The following FSTL5 variants were observed in gnomAD, a reference collection of about 807,000 sequenced individuals.
FSTL5 encodes follistatin-related protein 5.
A neutral mutation model predicts 89.1 loss-of-function variants in FSTL5; 62 were observed. The observed-to-expected ratio is 0.70, with a 90% CI of 0.57 to 0.86. The LOEUF is 0.86. FSTL5 is among the 40% of genes least tolerant of loss of function. The pLI is 0.00. For missense variants in FSTL5, 1,057 were observed against 1,001.6 expected (o/e 1.06, Z -0.75); for synonymous variants, 383 against 346.2 (o/e 1.11, Z -1.18).
intron 8 of FSTL5, among the ~76,000 whole-genome samples, chr4:161,579,061 T>A (rs1468206556): frequency 6.6e-6 from 1 of 152,272 alleles, no homozygotes; most frequent in Admixed American, 6.5e-5. Context: ...AATGTTTTGT[T>A]CTCTTGCCTA....
intron 10 of FSTL5, among the ~76,000 whole-genome samples, chr4:161,525,407 T>C (rs972620615): frequency 6.6e-6 from 1 of 152,214 alleles, no homozygotes; most frequent in African/African-American, 2.4e-5. Context: ...TTTTCTAATG[T>C]ACAATTAAGA....
chr4:161,697,796 A>T (rs1432689618), intron 6 of FSTL5, among the ~76,000 whole-genome samples: 1 of 152,170 alleles, frequency 6.6e-6, no homozygotes, highest in Non-Finnish European at 1.5e-5. Flanking sequence ...GAAGTCAAAA[A>T]AGTTGATCTC....
intron 4 of FSTL5, among the ~76,000 whole-genome samples, chr4:161,806,504 T>C (rs1476962203): frequency 6.6e-6 from 1 of 152,064 alleles, no homozygotes; most frequent in African/African-American, 2.4e-5. Context: ...GCAAATATTA[T>C]AAGTAGAAAA....
chr4:161,614,699 T>G (rs1156297058), intron 7 of FSTL5, among the ~76,000 whole-genome samples: 1 of 152,210 alleles, frequency 6.6e-6, no homozygotes, highest in Non-Finnish European at 1.5e-5. Flanking sequence ...AATTTACAAT[T>G]ATATTCCAAC....
At chr4:161,468,033 G>T (rs1347478101) in intron 13 of FSTL5, among the ~76,000 whole-genome samples, 1 of 151,988 alleles carries the variant, frequency 6.6e-6, no homozygotes, top group Non-Finnish European at 1.5e-5. Flanking sequence ...AATTTCTATA[G>T]AATAGTTTGT....
Position 161,786,680 on chromosome 4 carries a change from GAGA to G in FSTL5, c.410-10609_410-10607del, listed in dbSNP as rs1287469465. On this transcript the variant is annotated intron_variant, in intron 4 of 15. Transcript: ENST00000306100. ...TTCTGGTATATAGTTAAATTGTCAA[GAGA>G]AGATTTCTTCAGCTAGACATGTATC... 3.3e-5 allele frequency among the ~76,000 whole-genome samples: 5 copies of G among 152,070 alleles called. No individual in the cohort carries two copies. In the South Asian group the frequency reaches 6.2e-4, roughly 19 times the overall value.
chr4:162,155,248 G>A (rs535514241), intron 1 of FSTL5, among the ~76,000 whole-genome samples: 1 of 152,300 alleles, frequency 6.6e-6, no homozygotes, highest in South Asian at 2.1e-4. Context: ...GGATAAGTGA[G>A]CCTTTAAAAG....
intron 3 of FSTL5, among the ~76,000 whole-genome samples, chr4:161,934,030 ATCATTTGATGGGAAGACC>A (rs1180073486): frequency 3.9e-5 from 6 of 151,970 alleles, no homozygotes; most frequent in Non-Finnish European, 8.8e-5. Context: ...TTTTCTTCCC[ATCATTTGATGGGAAGACC>A]TCATTTGATC....
intron 2 of FSTL5, among the ~76,000 whole-genome samples, chr4:162,095,206 G>C (rs1042058314): frequency 6.6e-6 from 1 of 152,060 alleles, no homozygotes; most frequent in African/African-American, 2.4e-5. Flanking sequence ...GGTTTCAAGA[G>C]AGGCCAAGTC....
At chr4:161,929,685 G>GTGTA (rs1553983473) in intron 3 of FSTL5, among the ~76,000 whole-genome samples, 146 of 149,206 alleles carry the variant, frequency 9.8e-4, no homozygotes, top group African/African-American at 2.2e-3. Context: ...GTGTGTGTGT[G>GTGTA]TGTGTGTGTG....
At chr4:162,026,289 C>T (rs1737278504) in intron 3 of FSTL5, among the ~76,000 whole-genome samples, 1 of 48,352 alleles carries the variant, frequency 2.1e-5, no homozygotes, top group African/African-American at 7.6e-5. Flanking sequence ...TTTCAGGAGA[C>T]AGCTTATGTA....
At chr4:161,609,747 T>A (rs1246379661) in intron 7 of FSTL5, among the ~76,000 whole-genome samples, 1 of 152,164 alleles carries the variant, frequency 6.6e-6, no homozygotes, top group African/African-American at 2.4e-5. Context: ...ACTTGTATCA[T>A]TCTTTTTGTC....
At chr4:162,096,098 A>T (rs916346849) in intron 2 of FSTL5, among the ~76,000 whole-genome samples, 9 of 151,958 alleles carry the variant, frequency 5.9e-5, no homozygotes, top group Admixed American at 2.0e-4. Context: ...ACTTCCAGTG[A>T]TGCTTTTGTA....
chr4:161,796,589 G>A (rs901685375), intron 4 of FSTL5, among the ~76,000 whole-genome samples: 2 of 151,424 alleles, frequency 1.3e-5, no homozygotes, highest in African/African-American at 4.8e-5. Context: ...ATTTTTACTT[G>A]TGTACTTTTG....
At chr4:161,572,437 C>T (rs947385438) in intron 8 of FSTL5, among the ~76,000 whole-genome samples, 2 of 151,472 alleles carry the variant, frequency 1.3e-5, no homozygotes, top group Non-Finnish European at 2.9e-5. Flanking sequence ...CAAGGCCTTC[C>T]TTATAAAAGC....
chr4:161,999,771 T>C (rs1448464874), intron 3 of FSTL5, among the ~76,000 whole-genome samples: 1 of 152,208 alleles, frequency 6.6e-6, no homozygotes, highest in African/African-American at 2.4e-5. Context: ...ATAAATTGAA[T>C]ACACCACATG....
At chr4:161,520,296 T>C (rs1434931482) in intron 10 of FSTL5, among the ~76,000 whole-genome samples, 1 of 151,710 alleles carries the variant, frequency 6.6e-6, no homozygotes. Flanking sequence ...AGCTCCTCAC[T>C]GTTTAATATT....
intron 11 of FSTL5, among the ~76,000 whole-genome samples, chr4:161,504,002 T>TG (rs1236494235): frequency 6.6e-6 from 1 of 151,912 alleles, no homozygotes. Context: ...GAATGTTACG[T>TG]GGGATATCAC....
At chr4:161,697,651 A>G (rs1738217484) in intron 6 of FSTL5, among the ~76,000 whole-genome samples, 1 of 152,194 alleles carries the variant, frequency 6.6e-6, no homozygotes, top group African/African-American at 2.4e-5. Flanking sequence ...TATCAATACA[A>G]TGGAATACTA....
Sources: allele counts gnomAD v4.1 joint callset (sites outside exome capture counted in the v4.1 genomes callset), GRCh38; gene constraint gnomAD v4.1.1; transcripts MANE v1.5; gene names NCBI Gene and HGNC (gene_info 2026-07-23, HGNC 2026-07-21).